Variants in UBAP1 observed in about 807,000 individuals in gnomAD.
UBAP1 encodes ubiquitin-associated protein 1.
In UBAP1, 5 loss-of-function variants were observed where a neutral mutation model predicts 39.0. That is an observed-to-expected ratio of 0.13 (90% CI 0.07 to 0.27). UBAP1 has a LOEUF of 0.27. Ranked by LOEUF, UBAP1 falls within the 10% of genes least tolerant of loss-of-function variation. UBAP1 has a pLI of 1.00. For missense variants in UBAP1, 490 were observed against 608.1 expected, an observed-to-expected ratio of 0.81 and a Z score of 2.04; for synonymous variants, 211 against 225.1, an observed-to-expected ratio of 0.94 and a Z score of 0.56.
At position 34,226,129 on chromosome 9, in the gene UBAP1, G is replaced by GTGTGTGTGTT. The variant is rs1554650840; in HGVS notation, c.34+5190_34+5191insTTGTGTGTGT. 3.7e-3 allele frequency among the ~76,000 whole-genome samples: 529 copies of GTGTGTGTGTT among 141,920 alleles called. 4 individuals carry two copies. The highest frequency in any genetic ancestry group is 0.011 in the African/African-American group (394 of 36,510). 93.1% of individuals were successfully genotyped at this position (141,920 alleles called of 152,430 possible). ...ATTGTGTGTGTGTGTGTGTGTGTGT[G>GTGTGTGTGTT]TGTGTGTGTGTGTGTGTGTGTGTGT... On this transcript the variant is annotated intron_variant, in intron 2 of 6. Coordinates refer to ENST00000297661, the MANE Select transcript of UBAP1 (RefSeq NM_016525.5).
At chr9:34,243,726 G>A (rs185358977) in intron 4 of UBAP1, among the ~76,000 whole-genome samples, 3 of 152,190 alleles carry the variant, frequency 2.0e-5, no homozygotes, top group African/African-American at 7.2e-5. Flanking sequence ...CTGTGCTCAA[G>A]TGATCCACCC....
chr9:34,210,951 C>A (rs1379743308), intron 1 of UBAP1, among the ~76,000 whole-genome samples: 9 of 151,568 alleles, frequency 5.9e-5, no homozygotes, highest in Non-Finnish European at 4.4e-5. Flanking sequence ...TAATAAGAAT[C>A]ATTTGAGATT....
At chr9:34,219,549 C>T (rs1422479723) in intron 1 of UBAP1, among the ~76,000 whole-genome samples, 1 of 152,054 alleles carries the variant, frequency 6.6e-6, no homozygotes, top group Non-Finnish European at 1.5e-5. Context: ...GAGTATCCCT[C>T]ATCTAAATCC....
In UBAP1 at chr9:34,179,091, G is replaced by T. The variant is rs1829872822; in HGVS notation, c.-157G>T. ...GGCTGCGGCACTGGCGGTGGCTACG[G>T]TGACGGCCTGGCCCGGAGCGGGCAG... On this transcript the variant is annotated 5_prime_UTR_variant, in exon 1 of 7. Coordinates refer to ENST00000297661, the MANE Select transcript of UBAP1 (RefSeq NM_016525.5). The T allele has an allele frequency of 1.6e-6, 2 of 1,279,168 alleles. No individual in the cohort carries two copies. Among genetic ancestry groups the T allele is most frequent in the African/African-American group, 3.1e-5 (2 of 65,202 alleles). 79.2% of individuals were successfully genotyped at this position (1,279,168 alleles called of 1,614,324 possible).
intron 1 of UBAP1, among the ~76,000 whole-genome samples, chr9:34,189,503 A>G (rs1395774854): frequency 6.6e-6 from 1 of 151,160 alleles, no homozygotes; most frequent in African/African-American, 2.4e-5. Context: ...ATTATGTCTT[A>G]TAGGATACCT....
chr9:34,233,635 G>T (rs35808726), intron 2 of UBAP1, among the ~76,000 whole-genome samples: 28,459 of 151,914 alleles, frequency 0.19, 3,192 homozygotes, highest in South Asian at 0.26. Context: ...TTGGGAAAGA[G>T]AAACAATAAA....
rs1450414177 is a variant in UBAP1 at position 34,241,544 on chromosome 9, T to G, written c.519T>G (p.Thr173=). ...EDPFDNLELK[T]IDEKEELRNI... ...CATTTGATAATCTGGAGTTAAAAAC[T>G]ATTGATGAGAAGGAAGAGCTGAGAA... is the stretch of plus-strand genomic sequence containing the variant. The change falls in exon 4 of 7, where the codon ACT becomes ACG. Residue 173 remains threonine, a synonymous_variant. Transcript: ENST00000297661. The G allele has an allele frequency of 1.2e-6, 2 of 1,613,992 alleles. No homozygotes were observed. Among genetic ancestry groups the G allele is most frequent in the African/African-American group, 2.7e-5 (2 of 74,892 alleles).
In UBAP1 at chr9:34,246,945, A is replaced by G. The variant is rs147559689; in HGVS notation, c.1084-2834A>G. Among the ~76,000 whole-genome samples, 638 of 152,348 alleles carry G rather than the reference A, an allele frequency of 4.2e-3. 5 individuals carry two copies. Among genetic ancestry groups the G allele is most frequent in the African/African-American group, 0.015 (603 of 41,580 alleles). On this transcript the variant is annotated intron_variant, in intron 4 of 6. Transcript: ENST00000297661. ...CAAATATGGAGCACTTCAGTCATCG[A>G]GTATGAAAATCCCTTTTTATGCCAG...
rs181891351 is a variant in UBAP1, at chr9:34,242,263, A to G, written c.1083+155A>G. ...GTGATCGTACCTTATTGTAGCCTCG[A>G]CCTCCCGGGCTCAAGCCTGTTGGGA... On this transcript the variant is annotated intron_variant, in intron 4 of 6. Transcript: ENST00000297661. Among the ~76,000 whole-genome samples, 734 of 150,572 alleles carry G rather than the reference A, an allele frequency of 4.9e-3. 2 individuals carry two copies. Among genetic ancestry groups the G allele is most frequent in the Non-Finnish European group, 8.2e-3 (555 of 67,686 alleles).
At chr9:34,251,300 C>T (rs748768190) in intron 6 of UBAP1, 92 bp from the exon 7 acceptor site, 1 of 1,368,880 alleles carries the variant, frequency 7.3e-7, no homozygotes, top group Non-Finnish European at 1.0e-6. Flanking sequence ...ATTCTGCTCT[C>T]CCCCAGTCCC....
At chr9:34,221,217 G>A (rs548270741) in intron 2 of UBAP1, among the ~76,000 whole-genome samples, 25 of 152,230 alleles carry the variant, frequency 1.6e-4, no homozygotes, top group African/African-American at 6.0e-4. Flanking sequence ...GCCTGTTCTG[G>A]TTCTTCAGCA....
intron 2 of UBAP1, among the ~76,000 whole-genome samples, chr9:34,233,115 C>A (rs1202079449): frequency 1.3e-5 from 2 of 152,158 alleles, no homozygotes; most frequent in African/African-American, 2.4e-5. Context: ...TACTCAGAAT[C>A]CCATGATTTT....
In UBAP1 at chr9:34,179,084, G is replaced by A. The variant is rs985152367; in HGVS notation, c.-164G>A. ...ACATGGCGGCTGCGGCACTGGCGGT[G>A]GCTACGGTGACGGCCTGGCCCGGAG... On this transcript the variant is annotated 5_prime_UTR_variant, in exon 1 of 7. Transcript: ENST00000297661. 1.6e-6 allele frequency: 2 copies of A among 1,279,342 alleles called. No homozygotes were observed. The highest frequency in any genetic ancestry group is 3.1e-5 in the East Asian group (1 of 32,344). The allele number at this position is 1,279,342 out of a possible 1,614,324, so 79.2% of individuals were successfully genotyped here. A position where few individuals can be genotyped will look rare whatever the true frequency, so the allele number is the denominator to read the frequency against.
At position 34,239,414 on chromosome 9, in the gene UBAP1, T is replaced by A. The variant is rs569943673; in HGVS notation, c.160-1771T>A. Among the ~76,000 whole-genome samples, 4 of 152,350 alleles carry A rather than the reference T, an allele frequency of 2.6e-5. No homozygotes were observed. The South Asian group carries it at 8.3e-4, about 32-fold the overall frequency. On this transcript the variant is annotated intron_variant, in intron 3 of 6. Transcript: ENST00000297661. ...GGTCCCCTCCGTACCCAGAGAACAG[T>A]CAGACCTAGAGCTCTAGACAGATGG...
At chr9:34,221,630 A>C (rs1832767180) in intron 2 of UBAP1, among the ~76,000 whole-genome samples, 1 of 151,824 alleles carries the variant, frequency 6.6e-6, no homozygotes, top group Non-Finnish European at 1.5e-5. Flanking sequence ...CCTTTGGTTA[A>C]TGCTTTATAA....
At chr9:34,232,234 A>G (rs910329405) in intron 2 of UBAP1, among the ~76,000 whole-genome samples, 1 of 151,926 alleles carries the variant, frequency 6.6e-6, no homozygotes, top group Non-Finnish European at 1.5e-5. Flanking sequence ...ACCTCAGATG[A>G]TCCACCTGCC....
intron 2 of UBAP1, 93 bp from the exon 3 acceptor site, chr9:34,234,123 C>G: frequency 7.5e-7 from 1 of 1,332,140 alleles, no homozygotes; most frequent in Non-Finnish European, 1.0e-6. Flanking sequence ...CTTAGGATAG[C>G]AAAAATTAAT....
At chr9:34,240,469 C>T (rs1833902465) in intron 3 of UBAP1, among the ~76,000 whole-genome samples, 1 of 152,120 alleles carries the variant, frequency 6.6e-6, no homozygotes. Context: ...TTGTTTTTTC[C>T]TGTCCTATGT....
At chr9:34,221,337 G>A (rs543887339) in intron 2 of UBAP1, among the ~76,000 whole-genome samples, 158 of 152,112 alleles carry the variant, frequency 1.0e-3, no homozygotes, top group Non-Finnish European at 1.6e-3. Context: ...AGACCATCCT[G>A]TCTAACACGG....
Sources: allele counts gnomAD v4.1 joint callset (sites outside exome capture counted in the v4.1 genomes callset), GRCh38; gene constraint gnomAD v4.1.1; transcripts MANE v1.5; gene names NCBI Gene and HGNC (gene_info 2026-07-23, HGNC 2026-07-21).